COL21A1: variants seen among roughly 807,000 people sequenced by gnomAD.
The protein encoded by COL21A1 is collagen alpha-1(XXI) chain.
COL21A1 carries 149 observed loss-of-function variants against 137.9 expected under a neutral mutation model. The observed-to-expected ratio is 1.08, with a 90% CI of 0.95 to 1.24. The LOEUF is 1.24. Ranked by LOEUF, COL21A1 falls within the 50% of genes most tolerant of loss-of-function variation. COL21A1 has a pLI of 0.00. For synonymous variants in COL21A1, 456 were observed against 391.5 expected, an observed-to-expected ratio of 1.16 and a Z score of -1.95; for missense variants, 1,167 against 1,158.4, an observed-to-expected ratio of 1.01 and a Z score of -0.11.
chr6:56,379,109 G>A (rs2094004679), intron 1 of COL21A1, among the ~76,000 whole-genome samples: 1 of 152,078 alleles, frequency 6.6e-6, no homozygotes, highest in Non-Finnish European at 1.5e-5. Context: ...AAGAAGGGCG[G>A]GTACAAACAA....
intron 1 of COL21A1, among the ~76,000 whole-genome samples, chr6:56,382,771 T>C (rs956746487): frequency 1.3e-5 from 2 of 152,128 alleles, no homozygotes; most frequent in Non-Finnish European, 1.5e-5. Context: ...ATGTCAAATG[T>C]CCAGCCTCCA....
At chr6:56,229,603 T>G (rs1169304884) in intron 1 of COL21A1, among the ~76,000 whole-genome samples, 1 of 151,932 alleles carries the variant, frequency 6.6e-6, no homozygotes, top group African/African-American at 2.4e-5. Flanking sequence ...ATACTCTACG[T>G]CCACTATGAG....
At chr6:56,196,550 G>A (rs1779037011) in intron 1 of COL21A1, among the ~76,000 whole-genome samples, 2 of 151,996 alleles carry the variant, frequency 1.3e-5, no homozygotes, top group African/African-American at 4.8e-5. Flanking sequence ...AAAGTCAGTT[G>A]CCATTTCTAT....
intron 9 of COL21A1, among the ~76,000 whole-genome samples, chr6:56,158,139 G>T (rs373407560): frequency 6.6e-5 from 10 of 151,572 alleles, no homozygotes; most frequent in Non-Finnish European, 1.5e-4. Context: ...CTCTGAATTC[G>T]TGAAGTCTAA....
intron 1 of COL21A1, among the ~76,000 whole-genome samples, chr6:56,238,913 G>C (rs1454206323): frequency 6.6e-6 from 1 of 152,164 alleles, no homozygotes; most frequent in Non-Finnish European, 1.5e-5. Flanking sequence ...CAGCCCTTAT[G>C]CCAAAGGGTT....
chr6:56,214,388 A>G (rs1410470230), intron 1 of COL21A1, among the ~76,000 whole-genome samples: 1 of 152,122 alleles, frequency 6.6e-6, no homozygotes, highest in Non-Finnish European at 1.5e-5. Flanking sequence ...TTGAATACAT[A>G]TTTTTAAATT....
intron 10 of COL21A1, among the ~76,000 whole-genome samples, chr6:56,147,415 G>C (rs907525677): frequency 6.6e-6 from 1 of 150,772 alleles, no homozygotes; most frequent in Non-Finnish European, 1.5e-5. Flanking sequence ...GCCTAGAAGA[G>C]TGCCAGGAAT....
chr6:56,247,172 T>C lies in COL21A1; in HGVS notation c.-39+215A>G, dbSNP rs3857615. On this transcript the variant is annotated intron_variant, in intron 1 of 29. Transcript: ENST00000244728. ...CACCCAGAGAACCTCCCAAGATTCA[T>C]TAACATGAAGTAACTTTGCAAGACA... Among the ~76,000 whole-genome samples the C allele has an allele frequency of 0.47, 70,952 of 152,062 alleles. 18,169 individuals carry two copies. The highest frequency in any genetic ancestry group is 0.67 in the African/African-American group (27,590 of 41,464).
At chr6:56,361,091 CTCAATCAA>C (rs143592955) in intron 1 of COL21A1, among the ~76,000 whole-genome samples, 1 of 151,922 alleles carries the variant, frequency 6.6e-6, no homozygotes, top group African/African-American at 2.4e-5. Flanking sequence ...AAGACTCCGT[CTCAATCAA>C]TCAATCAATC....
At chr6:56,063,832 A>G (rs1031997186) in intron 24 of COL21A1, among the ~76,000 whole-genome samples, 1 of 152,120 alleles carries the variant, frequency 6.6e-6, no homozygotes, top group African/African-American at 2.4e-5. Context: ...CCTCAGAGAA[A>G]GAGGTCCACC....
At chr6:56,337,961 CTTT>C (rs200998969) in intron 1 of COL21A1, among the ~76,000 whole-genome samples, 117 of 90,904 alleles carry the variant, frequency 1.3e-3, no homozygotes, top group Non-Finnish European at 1.8e-3. Context: ...CTTTTCTTTT[CTTT>C]TTTTTTTTTT....
intron 1 of COL21A1, among the ~76,000 whole-genome samples, chr6:56,386,115 A>T (rs942166721): frequency 6.6e-6 from 1 of 152,040 alleles, no homozygotes; most frequent in East Asian, 1.9e-4. Context: ...CGCCCAGCTA[A>T]TTTATGTATT....
chr6:56,205,379 A>T (rs1314334722), intron 1 of COL21A1, among the ~76,000 whole-genome samples: 1 of 152,198 alleles, frequency 6.6e-6, no homozygotes, highest in Non-Finnish European at 1.5e-5. Context: ...GGAAGAAAGG[A>T]TATCAGAGAC....
rs567650109 is a variant in COL21A1, at chr6:56,122,505, G to A, written c.1758+1557C>T. Among the ~76,000 whole-genome samples, 5 of 152,104 alleles carry A rather than the reference G, an allele frequency of 3.3e-5. 1 individual carries two copies. In the South Asian group the frequency reaches 8.3e-4, roughly 25 times the overall value. On this transcript the variant is annotated intron_variant, in intron 16 of 29. Coordinates refer to ENST00000244728, the MANE Select transcript of COL21A1 (RefSeq NM_030820.4). Reference sequence around the variant, plus strand: ...TTTTTTTGTATTTTTAATAGGGCATGGTGTTTCTTTATGGGATAATGAAAA... The same window carrying A: ...TTTTTTTGTATTTTTAATAGGGCATAGTGTTTCTTTATGGGATAATGAAAA...
intron 1 of COL21A1, among the ~76,000 whole-genome samples, chr6:56,258,854 A>C (rs2152330245): frequency 6.6e-6 from 1 of 152,348 alleles, no homozygotes; most frequent in East Asian, 1.9e-4. Context: ...TCACAAACAC[A>C]TGTCCTATGA....
At chr6:56,237,136 A>G (rs1308208194) in intron 1 of COL21A1, among the ~76,000 whole-genome samples, 1 of 63,800 alleles carries the variant, frequency 1.6e-5, no homozygotes, top group Admixed American at 1.3e-4. Flanking sequence ...AAAAATTCGA[A>G]AGGAAAAAAA....
chr6:56,293,197 G>A (rs749251657), intron 1 of COL21A1, among the ~76,000 whole-genome samples: 5 of 152,020 alleles, frequency 3.3e-5, no homozygotes, highest in South Asian at 2.1e-4. Context: ...CAACTTTTAC[G>A]TGAAATAAAA....
intron 27 of COL21A1, 120 bp from the exon 28 acceptor site, chr6:56,060,338 C>T: frequency 1.2e-6 from 1 of 804,084 alleles, no homozygotes; most frequent in Non-Finnish European, 2.0e-6. Context: ...GTGCATATTT[C>T]TTGGCCAATA....
intron 1 of COL21A1, among the ~76,000 whole-genome samples, chr6:56,338,601 C>T (rs1235748620): frequency 2.0e-5 from 3 of 152,218 alleles, no homozygotes; most frequent in Non-Finnish European, 2.9e-5. Context: ...AACCATCTCC[C>T]TCTCTATCTC....
Sources: gnomAD v4.1 joint callset for allele counts (sites outside exome capture counted in the v4.1 genomes callset) on GRCh38, gnomAD v4.1.1 for gene constraint, MANE v1.5 for transcripts, NCBI Gene and HGNC (gene_info 2026-07-23, HGNC 2026-07-21) for gene names.